Variants in PGAM2 observed in about 807,000 individuals in gnomAD.
PGAM2 encodes the protein phosphoglycerate mutase 2.
A neutral mutation model predicts 22.5 loss-of-function variants in PGAM2; 23 were observed. The observed-to-expected ratio is 1.02, with a 90% CI of 0.74 to 1.45. The LOEUF is 1.45. Among genes scored for constraint, PGAM2 ranks in the 40% most tolerant of loss-of-function variants. The probability of loss-of-function intolerance (pLI) is 0.00; values close to 1 mark genes in which losing one functional copy is unlikely to be tolerated. For synonymous variants in PGAM2, 133 were observed against 138.6 expected (o/e 0.96, Z 0.29); for missense variants, 349 against 356.2 (o/e 0.98, Z 0.16).
At chr7:44,063,305 A>T (rs766133946) in intron 2 of PGAM2, 6 of 310,006 alleles carry the variant, frequency 1.9e-5, no homozygotes, top group African/African-American at 4.4e-5. Context: ...TTTTTTTGAG[A>T]TGGAGTTTTA....
In PGAM2 at chr7:44,065,551, G is replaced by A. The variant is rs199776384; in HGVS notation, c.-22C>T. The A allele has an allele frequency of 6.2e-7, 1 of 1,611,824 alleles. No individual in the cohort carries two copies. The highest frequency in any genetic ancestry group is 1.3e-5 in the African/African-American group (1 of 75,014). ...CCATGGTGGCAGCAGGGACCACAGA[G>A]GACTCTGGACGGGGACGGCTGCTTC... On this transcript the variant is annotated 5_prime_UTR_variant, in exon 1 of 3. Coordinates refer to ENST00000297283, the MANE Select transcript of PGAM2 (RefSeq NM_000290.4).
intron 2 of PGAM2, 24 bp downstream of exon 2, chr7:44,064,808 C>CCCCCGGGA: frequency 6.4e-7 from 1 of 1,553,296 alleles, no homozygotes; most frequent in Non-Finnish European, 8.8e-7. Flanking sequence ...CCCACCCTGC[C>CCCCCGGGA]CAGGCTCCTG....
At position 44,065,485 on chromosome 7, in the gene PGAM2, T is replaced by C. The variant is rs142350623; in HGVS notation, c.45A>G (p.Thr15=). ...CACAGAAACGGTTCTCCTGGTTCCA[T>C]GTGCTCTCGCCGTGCCGGACCATCA... ...RLVMVRHGES[T]WNQENRFCGW... is the part of the protein sequence containing the mutation. Residue 15 remains threonine, a synonymous_variant, in exon 1 of 3, where the codon ACA becomes ACG. Coordinates refer to ENST00000297283, the MANE Select transcript of PGAM2 (RefSeq NM_000290.4). 1 of 1,614,134 alleles carries C rather than the reference T, an allele frequency of 6.2e-7. No homozygotes were observed. Among genetic ancestry groups the C allele is most frequent in the Non-Finnish European group, 8.5e-7 (1 of 1,180,044 alleles).
In PGAM2 at chr7:44,064,924, T is replaced by C. The variant is rs908881822; in HGVS notation, c.503A>G (p.Asn168Ser). The change falls in exon 2 of 3, where the codon AAC becomes AGC. Residue 168 changes from asparagine to serine, a missense_variant. Asn to Ser is a conservative substitution (Grantham distance 46, BLOSUM62 1). Coordinates refer to ENST00000297283, the MANE Select transcript of PGAM2 (RefSeq NM_000290.4). ...CTTGATCTGGGGAACAATCTCCTCG[T>C]TCCAGAAGGGCAGGGCCCGGGCAAT... ...DTIARALPFW[N>S]EEIVPQIKAG... 2.7e-5 allele frequency: 43 copies of C among 1,610,988 alleles called. No homozygotes were observed. The highest frequency in any genetic ancestry group is 3.6e-5 in the Non-Finnish European group (42 of 1,179,730).
chr7:44,062,788 C>A lies in PGAM2; in HGVS notation c.738G>T (p.Val246=). 6.2e-7 allele frequency: 1 copy of A among 1,614,186 alleles called. No individual in the cohort carries two copies. Among genetic ancestry groups the A allele is most frequent in the Non-Finnish European group, 8.5e-7 (1 of 1,180,042 alleles). The part of the protein sequence containing the change: ...EETVRKAMEA[V]AAQGKAK ...CTCACTTGGCCTTGCCCTGGGCAGC[C>A]ACAGCCTCCATGGCCTTCCGCACCG... Residue 246 remains valine (V), a synonymous_variant, in exon 3 of 3, where the codon GTG becomes GTT. Transcript: ENST00000297283.
rs376134077 is a variant in PGAM2 at position 44,065,001 on chromosome 7, G to C, written c.426C>G (p.Tyr142Ter). The part of the protein sequence containing the change: ...YYNSISKERR[Y>*]AGLKPGELPT... ...GGAGTTCCCCGGGCTTCAGGCCTGCGTACCGACGCTCCTGGGGGACACAGG... is the reference window on the plus strand; with the variant it reads ...GGAGTTCCCCGGGCTTCAGGCCTGCCTACCGACGCTCCTGGGGGACACAGG... Residue 142 changes from tyrosine to a stop codon, truncating the protein, a stop_gained, in exon 2 of 3, where the codon TAC (tyrosine) becomes TAG (stop). Transcript: ENST00000297283. LOFTEE classifies it high-confidence loss of function. 1.9e-6 allele frequency: 3 copies of C among 1,606,200 alleles called. No homozygotes were observed. The Admixed American group carries it at 5.0e-5, about 27-fold the overall frequency.
chr7:44,064,719 TGGAGCCC>T (rs2096155745), intron 2 of PGAM2, 106 bp downstream of exon 2: 1 of 929,396 alleles, frequency 1.1e-6, no homozygotes, highest in South Asian at 1.4e-5. Context: ...GTGAATGATG[TGGAGCCC>T]CACGCCTAGA....
rs1183258366 is a variant in PGAM2, at chr7:44,065,516, CGGTGAGT to C, written c.7_13del (p.Thr3AlafsTer3). ...CTCGCCGTGCCGGACCATCACGAGGCGGTGAGTGGCCATGGTGGCAGCAGGGACCACA... is the reference window on the plus strand; with the variant it reads ...CTCGCCGTGCCGGACCATCACGAGGCGGCCATGGTGGCAGCAGGGACCACA... On this transcript the variant is annotated frameshift_variant, in exon 1 of 3. Transcript: ENST00000297283. LOFTEE classifies it high-confidence loss of function. 11 of 1,613,854 alleles carry C rather than the reference CGGTGAGT, an allele frequency of 6.8e-6. No individual in the cohort carries two copies. Among genetic ancestry groups the C allele is most frequent in the Non-Finnish European group, 9.3e-6 (11 of 1,180,014 alleles).
At chr7:44,065,058 C>G in intron 1 of PGAM2, 46 bp from the exon 2 acceptor site, 1 of 1,610,136 alleles carries the variant, frequency 6.2e-7, no homozygotes, top group Non-Finnish European at 8.5e-7. Context: ...CCAGTGGGCC[C>G]CCACCCGACT....
rs2096156772 is a variant in PGAM2 at position 44,065,018 on chromosome 7, G to A, written c.415-6C>T. On this transcript the variant is annotated splice_polypyrimidine_tract_variant and splice_region_variant and intron_variant, in intron 1 of 2. Coordinates refer to ENST00000297283, the MANE Select transcript of PGAM2 (RefSeq NM_000290.4). ...AGGCCTGCGTACCGACGCTCCTGGG[G>A]GACACAGGCACGCTGCTTTCCCTCC... The A allele has an allele frequency of 6.2e-7, 1 of 1,606,688 alleles. No individual in the cohort carries two copies. The highest frequency in any genetic ancestry group is 2.2e-5 in the East Asian group (1 of 44,826).
At position 44,065,418 on chromosome 7, in the gene PGAM2, C is replaced by A; in HGVS notation, c.112G>T (p.Ala38Ser). The A allele has an allele frequency of 6.2e-7, 1 of 1,614,122 alleles. No homozygotes were observed. Among genetic ancestry groups the A allele is most frequent in the Non-Finnish European group, 8.5e-7 (1 of 1,180,036 alleles). The part of the protein sequence containing the change: ...AELSEKGTEE[A>S]KRGAKAIKDA... The stretch of plus-strand genomic sequence containing the variant: ...TTGATGGCCTTGGCTCCCCGCTTGG[C>A]CTCCTCGGTCCCCTTTTCACTCAGC... Residue 38 changes from alanine to serine, a missense_variant, in exon 1 of 3, where the codon GCC becomes TCC. By Grantham distance (99) the Ala-to-Ser change is moderately conservative. Transcript: ENST00000297283.
Position 44,064,824 on chromosome 7 carries a change from G to A in PGAM2, c.595+8C>T. 7.5e-7 allele frequency: 1 copy of A among 1,328,602 alleles called. No homozygotes were observed. 82.3% of individuals were successfully genotyped at this position (1,328,602 alleles called of 1,614,324 possible). On this transcript the variant is annotated splice_region_variant and intron_variant, in intron 2 of 2. Transcript: ENST00000297283. ...CCACCCTGCCCAGGCTCCTGAAGGT[G>A]GCCTCACCTTCCAGGTGCTTGACAA...
rs936491728 is a variant in PGAM2 at position 44,065,171 on chromosome 7, T to C, written c.359A>G (p.Asp120Gly). Residue 120 changes from aspartate (D) to glycine (G), a missense_variant, in exon 1 of 3, where the codon GAC becomes GGC. Transcript: ENST00000297283. ...EQVKIWRRSF[D>G]IPPPPMDEKH... ...CTCGTCCATCGGGGGCGGCGGGATG[T>C]CGAAGGAGCGCCTCCAGATCTTCAC... is the stretch of plus-strand genomic sequence containing the variant. 3.1e-6 allele frequency: 5 copies of C among 1,613,828 alleles called. No homozygotes were observed. Among genetic ancestry groups the C allele is most frequent in the African/African-American group, 2.7e-5 (2 of 74,870 alleles).
intron 2 of PGAM2, chr7:44,064,461 G>A (rs1586001045): frequency 3.1e-6 from 1 of 323,302 alleles, no homozygotes; most frequent in African/African-American, 2.2e-5. Context: ...AAAAGGGAGA[G>A]GCCCAGAGAT....
Position 44,062,793 on chromosome 7 carries a change from C to A in PGAM2, c.733G>T (p.Ala245Ser). ...DEETVRKAME[A>S]VAAQGKAK ...TTGGCCTTGCCCTGGGCAGCCACAG[C>A]CTCCATGGCCTTCCGCACCGTTTCC... The change falls in exon 3 of 3, where the codon GCT (alanine) becomes TCT (serine). Residue 245 changes from alanine to serine, a missense_variant. Ala to Ser is a moderately conservative substitution (Grantham distance 99). Transcript: ENST00000297283. The A allele has an allele frequency of 6.2e-7, 1 of 1,614,246 alleles. No homozygotes were observed.
At position 44,063,106 on chromosome 7, in the gene PGAM2, C is replaced by T. The variant is rs556387079; in HGVS notation, c.596-176G>A. 4.4e-6 allele frequency: 3 copies of T among 686,066 alleles called. No individual in the cohort carries two copies. In the Admixed American group the frequency reaches 6.4e-5, roughly 15 times the overall value. The allele number at this position is 686,066 out of a possible 1,614,324, so 42.5% of individuals were successfully genotyped here. A position where few individuals can be genotyped will look rare whatever the true frequency, so the allele number is the denominator to read the frequency against. On this transcript the variant is annotated intron_variant, in intron 2 of 2. Coordinates refer to ENST00000297283, the MANE Select transcript of PGAM2 (RefSeq NM_000290.4). ...AGGTCAAGGAGTAACTGAGTTAGACCAAGCAGCCTACAGAAATAGCCCAGT... is the reference window on the plus strand; with the variant it reads ...AGGTCAAGGAGTAACTGAGTTAGACTAAGCAGCCTACAGAAATAGCCCAGT...
At position 44,062,943 on chromosome 7, in the gene PGAM2, G is replaced by C. The variant is rs1318364025; in HGVS notation, c.596-13C>G. On this transcript the variant is annotated splice_polypyrimidine_tract_variant and intron_variant, in intron 2 of 2. Transcript: ENST00000297283. Reference sequence around the variant, plus strand: ...TGGTCTGACATCCCTATGCCGGAAGGAATAGGTGTCCTTAGCCCCTCTGTC... The same window carrying C: ...TGGTCTGACATCCCTATGCCGGAAGCAATAGGTGTCCTTAGCCCCTCTGTC... 1 of 1,614,114 alleles carries C rather than the reference G, an allele frequency of 6.2e-7. No individual in the cohort carries two copies. The highest frequency in any genetic ancestry group is 1.7e-5 in the Admixed American group (1 of 60,020).
rs779964633 is a variant in PGAM2, at chr7:44,062,891, G to A, written c.635C>T (p.Thr212Met). 5.0e-5 allele frequency: 81 copies of A among 1,614,070 alleles called. No homozygotes were observed. The highest frequency in any genetic ancestry group is 1.5e-4 in the Admixed American group (9 of 60,006). The change falls in exon 3 of 3, where the codon ACG (threonine) becomes ATG (methionine). Residue 212 changes from threonine (T) to methionine (M), a missense_variant. Physicochemically the swap from Thr to Met is moderately conservative, Grantham distance 81. Coordinates refer to ENST00000297283, the MANE Select transcript of PGAM2 (RefSeq NM_000290.4). ...DQAIMELNLP[T>M]GIPIVYELNK... The stretch of plus-strand genomic sequence containing the variant: ...CAGCTCATACACAATGGGGATCCCC[G>A]TGGGCAGGTTCAGCTCCATGATCGC...
At chr7:44,064,095 T>C (rs2096154460) in intron 2 of PGAM2, 1 of 152,882 alleles carries the variant, frequency 6.5e-6, no homozygotes, top group Admixed American at 6.5e-5. Flanking sequence ...CAACAAGCTT[T>C]AAGGTCATTC....
Sources: gnomAD v4.1 joint callset for allele counts on GRCh38, gnomAD v4.1.1 for gene constraint, MANE v1.5 for transcripts, NCBI Gene and HGNC (gene_info 2026-07-23, HGNC 2026-07-21) for gene names.